Variants in TGFA observed in about 807,000 individuals in gnomAD.
TGFA encodes the protein protransforming growth factor alpha.
A neutral mutation model predicts 21.7 loss-of-function variants in TGFA; 12 were observed. The observed-to-expected ratio is 0.55, with a 90% CI of 0.35 to 0.90. The LOEUF is 0.90. Ranked by LOEUF, TGFA falls within the 40% of genes least tolerant of loss-of-function variation. The pLI is 0.01. For missense variants in TGFA, 178 were observed against 210.8 expected, an observed-to-expected ratio of 0.84 and a Z score of 0.96; for synonymous variants, 79 against 88.1, an observed-to-expected ratio of 0.90 and a Z score of 0.58.
chr2:70,515,541 C>T (rs1553501494), intron 1 of TGFA, among the ~76,000 whole-genome samples: 2 of 152,102 alleles, frequency 1.3e-5, no homozygotes, highest in Non-Finnish European at 1.5e-5. Flanking sequence ...TCTCTTATTC[C>T]CAGGAAGTGG....
chr2:70,552,188 C>G (rs1473751131), intron 1 of TGFA, among the ~76,000 whole-genome samples: 1 of 139,514 alleles, frequency 7.2e-6, no homozygotes, highest in African/African-American at 2.7e-5. Flanking sequence ...TACTGTGGAC[C>G]CTGTGTGCTT....
At chr2:70,504,461 TATACACACATAC>T (rs1559124039) in intron 2 of TGFA, among the ~76,000 whole-genome samples, 3 of 65,168 alleles carry the variant, frequency 4.6e-5, no homozygotes, top group African/African-American at 3.1e-4. Context: ...TATATATATA[TATACACACATAC>T]ATACATACAT....
intron 3 of TGFA, among the ~76,000 whole-genome samples, chr2:70,463,113 G>A (rs912472576): frequency 2.0e-5 from 3 of 152,042 alleles, no homozygotes; most frequent in East Asian, 1.9e-4. Flanking sequence ...CACCTCTGCC[G>A]GTTACTAGCT....
In TGFA at chr2:70,449,299, G is replaced by A. The variant is rs1669979428; in HGVS notation, c.*1560C>T. On this transcript the variant is annotated 3_prime_UTR_variant, in exon 6 of 6. Coordinates refer to ENST00000295400, the MANE Select transcript of TGFA (RefSeq NM_003236.4). ...CAAGCCAATTTAACATATTTTAAAT[G>A]TACCTTTCACGATGTAATAAGCTAG... is the stretch of plus-strand genomic sequence containing the variant. The A allele has an allele frequency of 6.6e-6, 1 of 152,266 alleles. No homozygotes were observed. Among genetic ancestry groups the A allele is most frequent in the African/African-American group, 2.4e-5 (1 of 41,436 alleles). The allele number at this position is 152,266 out of a possible 1,614,324, so 9.4% of individuals were successfully genotyped here. A position where few individuals can be genotyped will look rare whatever the true frequency, so the allele number is the denominator to read the frequency against.
intron 2 of TGFA, among the ~76,000 whole-genome samples, chr2:70,485,491 C>T (rs1671247005): frequency 6.6e-6 from 1 of 152,212 alleles, no homozygotes; most frequent in African/African-American, 2.4e-5. Context: ...CTGCCTCGGC[C>T]TCCCAAAGTG....
chr2:70,453,583 G>A (rs1435386026), intron 4 of TGFA, among the ~76,000 whole-genome samples: 2 of 152,214 alleles, frequency 1.3e-5, no homozygotes, highest in Non-Finnish European at 2.9e-5. Context: ...GTTTCTGCAA[G>A]CTGACCTGGC....
intron 2 of TGFA, among the ~76,000 whole-genome samples, chr2:70,482,632 C>T (rs554457376): frequency 6.6e-6 from 1 of 152,294 alleles, no homozygotes; most frequent in African/African-American, 2.4e-5. Context: ...TACTCTTAAC[C>T]TAAATACTGA....
intron 1 of TGFA, among the ~76,000 whole-genome samples, chr2:70,517,685 AC>A (rs1672327374): frequency 6.6e-6 from 1 of 152,214 alleles, no homozygotes; most frequent in Admixed American, 6.5e-5. Flanking sequence ...CATGCACAAG[AC>A]AGTGTCTAAT....
chr2:70,470,010 A>G (rs528548878), intron 2 of TGFA, among the ~76,000 whole-genome samples: 1 of 152,278 alleles, frequency 6.6e-6, no homozygotes, highest in Middle Eastern at 3.4e-3. Context: ...TAAAAAGGCA[A>G]TGCAAACGAG....
chr2:70,511,143 C>T (rs1672085830), intron 2 of TGFA, among the ~76,000 whole-genome samples: 2 of 152,202 alleles, frequency 1.3e-5, no homozygotes, highest in Non-Finnish European at 2.9e-5. Flanking sequence ...GCCCTATGCT[C>T]TAGTGCTGTC....
At chr2:70,504,943 T>C (rs1671874752) in intron 2 of TGFA, among the ~76,000 whole-genome samples, 1 of 152,222 alleles carries the variant, frequency 6.6e-6, no homozygotes, top group Non-Finnish European at 1.5e-5. Context: ...GGCAAGTTAC[T>C]TAACTTCTCT....
chr2:70,524,133 C>T (rs1414411508), intron 1 of TGFA, among the ~76,000 whole-genome samples: 1 of 152,212 alleles, frequency 6.6e-6, no homozygotes, highest in African/African-American at 2.4e-5. Flanking sequence ...ATGTTACCCA[C>T]TTCAAAGCCT....
chr2:70,530,830 G>A (rs888251217), intron 1 of TGFA, among the ~76,000 whole-genome samples: 6 of 152,164 alleles, frequency 3.9e-5, no homozygotes, highest in East Asian at 3.9e-4. Flanking sequence ...AAACAGGCTC[G>A]GTGCTGGCCT....
intron 3 of TGFA, among the ~76,000 whole-genome samples, chr2:70,462,655 C>G (rs1010144491): frequency 2.2e-4 from 34 of 152,194 alleles, no homozygotes; most frequent in African/African-American, 8.0e-4. Flanking sequence ...AATGTGAAAT[C>G]TCCCTTCTAA....
intron 2 of TGFA, among the ~76,000 whole-genome samples, chr2:70,510,462 A>C (rs782324150): frequency 1.3e-5 from 2 of 152,102 alleles, no homozygotes; most frequent in Non-Finnish European, 2.9e-5. Context: ...TCATGTGAAA[A>C]ACCTCACAGG....
At chr2:70,529,595 G>GCC (rs1491189739) in intron 1 of TGFA, among the ~76,000 whole-genome samples, 4 of 144,100 alleles carry the variant, frequency 2.8e-5, no homozygotes, top group Admixed American at 2.0e-4. Flanking sequence ...GAATCCCCCC[G>GCC]CCCCAGTCCT....
intron 5 of TGFA, among the ~76,000 whole-genome samples, chr2:70,452,856 T>C (rs1670101068): frequency 6.6e-6 from 1 of 152,058 alleles, no homozygotes. Flanking sequence ...GGCAGGAGAA[T>C]CACTTGAAAC....
intron 5 of TGFA, 99 bp from the exon 6 acceptor site, chr2:70,450,965 G>A (rs954470875): frequency 3.5e-6 from 5 of 1,438,810 alleles, no homozygotes; most frequent in Non-Finnish European, 4.8e-6. Context: ...CAGAGCCAAT[G>A]TCACCAAGTT....
chr2:70,524,162 A>T (rs1672561788), intron 1 of TGFA, among the ~76,000 whole-genome samples: 1 of 152,044 alleles, frequency 6.6e-6, no homozygotes, highest in African/African-American at 2.4e-5. Flanking sequence ...AAGGCTGCCC[A>T]CTGATCTGGT....
Sources: gnomAD v4.1 joint callset for allele counts (sites outside exome capture counted in the v4.1 genomes callset) on GRCh38, gnomAD v4.1.1 for gene constraint, MANE v1.5 for transcripts, NCBI Gene and HGNC (gene_info 2026-07-23, HGNC 2026-07-21) for gene names.